PPP6R2: variants seen among roughly 807,000 people sequenced by gnomAD.
The protein encoded by PPP6R2 is protein phosphatase 6 regulatory subunit 2.
In PPP6R2, 62 loss-of-function variants were observed where a neutral mutation model predicts 100.2. The observed-to-expected ratio is 0.62, with a 90% CI of 0.50 to 0.76. PPP6R2 has a LOEUF of 0.76. Among genes scored for constraint, PPP6R2 ranks in the 30% least tolerant of loss-of-function variants. The probability of loss-of-function intolerance (pLI) is 0.00; values close to 1 mark genes in which losing one functional copy is unlikely to be tolerated. For missense variants in PPP6R2, 1,142 were observed against 1,276.3 expected (o/e 0.89, Z 1.60); for synonymous variants, 525 against 514.7 (o/e 1.02, Z -0.27).
At chr22:50,408,072 A>G (rs1054961773) in intron 4 of PPP6R2, among the ~76,000 whole-genome samples, 3 of 152,044 alleles carry the variant, frequency 2.0e-5, no homozygotes, top group African/African-American at 7.2e-5. Flanking sequence ...TTTTTTGTAG[A>G]GATGGGGTTT....
chr22:50,383,944 G>A (rs796350298), intron 2 of PPP6R2, among the ~76,000 whole-genome samples: 5 of 149,452 alleles, frequency 3.3e-5, no homozygotes, highest in African/African-American at 1.2e-4. Flanking sequence ...GCTGAGACGG[G>A]AGAATCGCTT....
rs552052403 is a variant in PPP6R2, at chr22:50,364,977, GA to G, written c.-147-7035del. Among the ~76,000 whole-genome samples, 17 of 150,278 alleles carry G rather than the reference GA, an allele frequency of 1.1e-4. No homozygotes were observed. The South Asian group carries it at 3.3e-3, about 30-fold the overall frequency. On this transcript the variant is annotated intron_variant, in intron 1 of 23. Coordinates refer to ENST00000612753, the MANE Select transcript of PPP6R2 (RefSeq NM_001242898.2). ...TGGTATTAGAAGGTGGGCATAAAAA[GA>G]AAAAAAATCTTTTATGATTCTCTTT...
At chr22:50,353,989 C>A (rs1193273126) in intron 1 of PPP6R2, among the ~76,000 whole-genome samples, 1 of 152,048 alleles carries the variant, frequency 6.6e-6, no homozygotes, top group Non-Finnish European at 1.5e-5. Flanking sequence ...TGTTTATGTT[C>A]CAATACAATT....
chr22:50,394,050 C>A lies in PPP6R2; in HGVS notation c.142C>A (p.Leu48Met), dbSNP rs368180971. 2.0e-5 allele frequency: 32 copies of A among 1,614,186 alleles called. No individual in the cohort carries two copies. Among genetic ancestry groups the A allele is most frequent in the Non-Finnish European group, 2.2e-5 (26 of 1,180,032 alleles). The change falls in exon 3 of 24, where the codon CTG becomes ATG. Residue 48 changes from leucine (L) to methionine (M), a missense_variant. Transcript: ENST00000612753. ...KAQNQKLLDF[L>M]CRQQCMEELV... The stretch of plus-strand genomic sequence containing the variant: ...TCAGAACCAGAAGCTGCTGGACTTC[C>A]TGTGCAGGCAGCAGTGCATGGAGGA...
At position 50,437,923 on chromosome 22, in the gene PPP6R2, G is replaced by T. The variant is rs112754030; in HGVS notation, c.1839+23G>T. On this transcript the variant is annotated intron_variant, in intron 17 of 23. Transcript: ENST00000612753. The stretch of plus-strand genomic sequence containing the variant: ...AGTGTGAGCAAGCCGGGCTGTGTGG[G>T]GTGCCGCCACCCTTTTCCCAGGCAG... 130 of 1,561,102 alleles carry T rather than the reference G, an allele frequency of 8.3e-5. No individual in the cohort carries two copies. In the African/African-American group the frequency reaches 1.5e-3, roughly 18 times the overall value.
chr22:50,337,661 G>C, the PPP6R2 span, among the ~76,000 whole-genome samples: 5 of 109,324 alleles, frequency 4.6e-5, no homozygotes, highest in Non-Finnish European at 8.9e-5. Flanking sequence ...TGTGTGGTGT[G>C]TGTGGTGTGT....
intron 2 of PPP6R2, among the ~76,000 whole-genome samples, chr22:50,381,191 C>A (rs1300659037): frequency 1.3e-5 from 2 of 151,796 alleles, no homozygotes; most frequent in African/African-American, 4.8e-5. Flanking sequence ...TCTTCCCCGA[C>A]AACCAGAACC....
intron 2 of PPP6R2, among the ~76,000 whole-genome samples, chr22:50,378,137 A>T (rs1488558520): frequency 2.6e-5 from 4 of 152,262 alleles, no homozygotes; most frequent in South Asian, 2.1e-4. Context: ...CGAAAAACAC[A>T]GATCAACTTT....
upstream of PPP6R2, among the ~76,000 whole-genome samples, chr22:50,339,521 G>A (rs549450529): frequency 6.6e-4 from 86 of 130,858 alleles, no homozygotes; most frequent in African/African-American, 2.4e-3. Flanking sequence ...GGTGTGTGTG[G>A]TATGTGGTGT....
intron 2 of PPP6R2, among the ~76,000 whole-genome samples, chr22:50,372,796 C>A (rs569979957): frequency 6.6e-6 from 1 of 151,586 alleles, no homozygotes; most frequent in East Asian, 2.0e-4. Flanking sequence ...TCAAGCGATT[C>A]TTCTTCCTCA....
At chr22:50,338,298 TGTG>T in the PPP6R2 span, among the ~76,000 whole-genome samples, 8 of 143,260 alleles carry the variant, frequency 5.6e-5, no homozygotes, top group Admixed American at 1.4e-4. Flanking sequence ...TGGTGTGTAG[TGTG>T]TGGTGTGTGT....
rs538961216 is a variant in PPP6R2 at position 50,431,733 on chromosome 22, G to A, written c.1335+351G>A. The stretch of plus-strand genomic sequence containing the variant: ...TGATGGGAGCCACACGGTGGGGAGG[G>A]GATGCTGAGGGACATGCAGGCCAAC... On this transcript the variant is annotated intron_variant, in intron 11 of 23. Coordinates refer to ENST00000612753, the MANE Select transcript of PPP6R2 (RefSeq NM_001242898.2). The surrounding 1 kb of genome is among the most constrained non-coding windows in gnomAD (Gnocchi z 4.8). Among the ~76,000 whole-genome samples the A allele has an allele frequency of 2.0e-5, 3 of 152,224 alleles. No individual in the cohort carries two copies. In the South Asian group the frequency reaches 6.2e-4, roughly 32 times the overall value.
chr22:50,382,433 C>G (rs2053300933), intron 2 of PPP6R2, among the ~76,000 whole-genome samples: 1 of 150,762 alleles, frequency 6.6e-6, no homozygotes, highest in Non-Finnish European at 1.5e-5. Context: ...CCCGTCTCTA[C>G]TAAAAATACA....
At position 50,437,593 on chromosome 22, in the gene PPP6R2, GACA is replaced by G. The variant is rs1569492679; in HGVS notation, c.1775_1777del (p.Asn592del). The G allele has an allele frequency of 6.2e-7, 1 of 1,606,826 alleles. No individual in the cohort carries two copies. The highest frequency in any genetic ancestry group is 8.5e-7 in the Non-Finnish European group (1 of 1,174,176). ...TGATGAGGAGTTTGCCGACCAGGACGACAACATCAAGTGAGTCTACTTGGAGCG... is the reference window on the plus strand; with the variant it reads ...TGATGAGGAGTTTGCCGACCAGGACGACATCAAGTGAGTCTACTTGGAGCG... On this transcript the variant is annotated inframe_deletion, in exon 16 of 24. Transcript: ENST00000612753.
intron 3 of PPP6R2, among the ~76,000 whole-genome samples, chr22:50,401,347 C>T (rs923698518): frequency 6.7e-6 from 1 of 148,430 alleles, no homozygotes; most frequent in Non-Finnish European, 1.5e-5. Flanking sequence ...GCTGGAACTA[C>T]AGACGCCCAC....
intron 3 of PPP6R2, among the ~76,000 whole-genome samples, chr22:50,404,929 G>A (rs2058615416): frequency 1.3e-5 from 2 of 152,206 alleles, no homozygotes; most frequent in Non-Finnish European, 2.9e-5. Context: ...GTTGAGGGCT[G>A]CGTCCTGGGC....
intron 1 of PPP6R2, among the ~76,000 whole-genome samples, chr22:50,359,374 G>A (rs2047328581): frequency 6.6e-6 from 1 of 151,620 alleles, no homozygotes; most frequent in Non-Finnish European, 1.5e-5. Context: ...GCCCACCACC[G>A]CACCCGGCTA....
Position 50,437,539 on chromosome 22 carries a change from G to C in PPP6R2, c.1717G>C (p.Ala573Pro). 1 of 1,355,844 alleles carries C rather than the reference G, an allele frequency of 7.4e-7. No individual in the cohort carries two copies. Among genetic ancestry groups the C allele is most frequent in the Non-Finnish European group, 9.8e-7 (1 of 1,020,504 alleles). 84.0% of individuals were successfully genotyped at this position (1,355,844 alleles called of 1,614,324 possible). A position where few individuals can be genotyped will look rare whatever the true frequency, so the allele number is the denominator to read the frequency against. ...FSDYQIQQMT[A>P]NFVDQFGFND... is the part of the protein sequence containing the mutation. ...TGACTACCAGATCCAGCAGATGACA[G>C]CCAACTTCGTGGATCAGTTTGGCTT... Residue 573 changes from alanine to proline, a missense_variant, in exon 16 of 24, where the codon GCC becomes CCC. By Grantham distance (27) the Ala-to-Pro change is conservative. This residue lies in a region of PPP6R2 where 592 missense variants were observed against 758.9 expected (regional missense o/e 0.78). Coordinates refer to ENST00000612753, the MANE Select transcript of PPP6R2 (RefSeq NM_001242898.2).
At chr22:50,367,977 C>T (rs1412695822) in intron 1 of PPP6R2, among the ~76,000 whole-genome samples, 2 of 152,178 alleles carry the variant, frequency 1.3e-5, no homozygotes, top group Admixed American at 6.6e-5. Flanking sequence ...TAAGGTCATG[C>T]GAGTCACGTG....
Sources: gnomAD v4.1 joint callset for allele counts (sites outside exome capture counted in the v4.1 genomes callset) on GRCh38, gnomAD v4.1.1 for gene constraint, gnomAD v4.1.1 regional missense constraint, Gnocchi (gnomAD v3.1) non-coding constraint, MANE v1.5 for transcripts, NCBI Gene and HGNC (gene_info 2026-07-23, HGNC 2026-07-21) for gene names.